The following CD33 variants were observed in gnomAD, a reference collection of about 807,000 sequenced individuals.
CD33 encodes CD33 molecule, also known as myeloid cell surface antigen CD33.
In CD33, 25 loss-of-function variants were observed where a neutral mutation model predicts 31.4. The ratio of observed to expected loss-of-function variants is 0.80; its 90% CI spans 0.58 to 1.11. The LOEUF (loss-of-function observed/expected upper bound fraction) is 1.11. Among genes scored for constraint, CD33 ranks in the 50% most tolerant of loss-of-function variants. The pLI, the probability that CD33 is intolerant of heterozygous loss-of-function variation, is 0.00. For missense variants in CD33, 407 were observed against 448.1 expected, an observed-to-expected ratio of 0.91 and a Z score of 0.83; for synonymous variants, 176 against 180.6, an observed-to-expected ratio of 0.97 and a Z score of 0.20.
At position 51,226,005 on chromosome 19, in the gene CD33, C is replaced by A. The variant is rs371756536; in HGVS notation, c.621C>A (p.Gly207=). The A allele has an allele frequency of 1.1e-4, 176 of 1,614,022 alleles. No homozygotes were observed. Among genetic ancestry groups the A allele is most frequent in the Non-Finnish European group, 1.4e-4 (165 of 1,180,018 alleles). Residue 207 remains glycine, a synonymous_variant, in exon 3 of 7, where the codon GGC becomes GGA. Transcript: ENST00000262262. Reference sequence around the variant, plus strand: ...TCACCCCACGGCCCCAGGACCACGGCACCAACCTGACCTGTCAGGTGAAGT... The same window carrying A: ...TCACCCCACGGCCCCAGGACCACGGAACCAACCTGACCTGTCAGGTGAAGT... ...LIITPRPQDH[G]TNLTCQVKFA...
At chr19:51,232,845 G>T (rs1344047958) in intron 4 of CD33, among the ~76,000 whole-genome samples, 1 of 152,144 alleles carries the variant, frequency 6.6e-6, no homozygotes, top group Non-Finnish European at 1.5e-5. Flanking sequence ...CTGACCTGGG[G>T]GCATATCTGC....
rs1344549728 is a variant in CD33, at chr19:51,235,153, G to C, written c.746-4G>C. On this transcript the variant is annotated splice_region_variant and splice_polypyrimidine_tract_variant and intron_variant, in intron 4 of 6. Coordinates refer to ENST00000262262, the MANE Select transcript of CD33 (RefSeq NM_001772.4). ...AATTCACCCCAAATCTTTTTTGTCT[G>C]CAGGGAAACAAGAGACCAGAGCAGG... is the stretch of plus-strand genomic sequence containing the variant. 6.2e-6 allele frequency: 10 copies of C among 1,612,208 alleles called. No individual in the cohort carries two copies. Among genetic ancestry groups the C allele is most frequent in the Non-Finnish European group, 8.5e-6 (10 of 1,178,456 alleles).
At chr19:51,213,337 T>C in the CD33 span, among the ~76,000 whole-genome samples, 1 of 152,178 alleles carries the variant, frequency 6.6e-6, no homozygotes, top group Admixed American at 6.5e-5. Context: ...TCTTTAACCA[T>C]CCCACTATCT....
the CD33 span, among the ~76,000 whole-genome samples, chr19:51,215,299 C>G: frequency 6.6e-6 from 1 of 152,174 alleles, no homozygotes; most frequent in Non-Finnish European, 1.5e-5. Flanking sequence ...TCTGTCCCAA[C>G]CCGAGGCCAA....
At position 51,235,234 on chromosome 19, in the gene CD33, C is replaced by A. The variant is rs1981697094; in HGVS notation, c.823C>A (p.Leu275Ile). The change falls in exon 5 of 7, where the codon CTC becomes ATC. Residue 275 changes from leucine to isoleucine, a missense_variant. Leu to Ile is a conservative substitution (Grantham distance 5). Transcript: ENST00000262262. Reference protein sequence around the residue: ...AGVTALLALCLCLIFFIVKTH... With the variant: ...AGVTALLALCICLIFFIVKTH... ...TGTTACAGCCCTGCTCGCTCTTTGT[C>A]TCTGCCTCATCTTCTTCATGTGAGC... 1 of 1,614,030 alleles carries A rather than the reference C, an allele frequency of 6.2e-7. No homozygotes were observed. Among genetic ancestry groups the A allele is most frequent in the South Asian group, 1.1e-5 (1 of 91,090 alleles).
At chr19:51,213,828 G>A in the CD33 span, among the ~76,000 whole-genome samples, 137 of 146,344 alleles carry the variant, frequency 9.4e-4, no homozygotes, top group Admixed American at 1.7e-3. Context: ...GAACCACTGC[G>A]CCCAGCCTCA....
Position 51,225,607 on chromosome 19 carries a change from C to G in CD33, c.418+9C>G, listed in dbSNP as rs1201199755. 2 of 1,549,366 alleles carry G rather than the reference C, an allele frequency of 1.3e-6. No homozygotes were observed. Among genetic ancestry groups the G allele is most frequent in the East Asian group, 4.5e-5 (2 of 44,388 alleles). ...CTCTGTGCATGTGACAGGTGAGGCA[C>G]AGGCTTCAGAAGTGGCCGCAAGGGA... On this transcript the variant is annotated intron_variant, in intron 2 of 6. Transcript: ENST00000262262.
chr19:51,228,438 A>G (rs556307389), intron 4 of CD33, among the ~76,000 whole-genome samples: 63 of 152,166 alleles, frequency 4.1e-4, no homozygotes, highest in African/African-American at 1.4e-3. Flanking sequence ...TTATTTCCTC[A>G]GTGTTTTGTA....
At chr19:51,211,511 G>A in the CD33 span, 41 of 1,539,418 alleles carry the variant, frequency 2.7e-5, no homozygotes, top group Admixed American at 4.2e-5. Context: ...AGGGATAATC[G>A]TTCATACTTC....
chr19:51,235,356 G>T (rs1247031042), intron 5 of CD33, 103 bp downstream of exon 5: 3 of 1,257,086 alleles, frequency 2.4e-6, no homozygotes, highest in African/African-American at 2.9e-5. Flanking sequence ...AGGGCAGGGG[G>T]TGTGATGATG....
chr19:51,227,598 C>A (rs1981123235), intron 4 of CD33, among the ~76,000 whole-genome samples: 1 of 152,044 alleles, frequency 6.6e-6, no homozygotes, highest in Non-Finnish European at 1.5e-5. Context: ...TGTATGAGTT[C>A]CTCGTATGTT....
Position 51,234,293 on chromosome 19 carries a change from T to C in CD33, c.746-864T>C, listed in dbSNP as rs140640769. Among the ~76,000 whole-genome samples the C allele has an allele frequency of 2.1e-3, 321 of 152,336 alleles. No individual in the cohort carries two copies. In the Middle Eastern group the frequency reaches 0.031, roughly 15 times the overall value. Reference sequence around the variant, plus strand: ...ACTACATTGACATATCATTGTCACCTGAAGCCCATAGTTTACATTAAAGTT... The same window carrying C: ...ACTACATTGACATATCATTGTCACCCGAAGCCCATAGTTTACATTAAAGTT... On this transcript the variant is annotated intron_variant, in intron 4 of 6. Coordinates refer to ENST00000262262, the MANE Select transcript of CD33 (RefSeq NM_001772.4).
intron 4 of CD33, among the ~76,000 whole-genome samples, chr19:51,227,317 C>G (rs1981105968): frequency 6.6e-6 from 1 of 152,088 alleles, no homozygotes; most frequent in Non-Finnish European, 1.5e-5. Flanking sequence ...AGTGGTTATA[C>G]TAGTTTACAT....
chr19:51,216,192 G>A, the CD33 span, among the ~76,000 whole-genome samples: 5 of 149,924 alleles, frequency 3.3e-5, no homozygotes, highest in Admixed American at 2.7e-4. Flanking sequence ...GGTCCTGATT[G>A]TCCTTCAGGC....
the CD33 span, chr19:51,211,526 G>C: frequency 6.5e-7 from 1 of 1,529,870 alleles, no homozygotes; most frequent in South Asian, 1.3e-5. Context: ...TACTTCTTTC[G>C]GATGGAGAGA....
rs979015903 is a variant in CD33 at position 51,225,714 on chromosome 19, C to A, written c.419-89C>A. 6 of 1,538,740 alleles carry A rather than the reference C, an allele frequency of 3.9e-6. No homozygotes were observed. In the Admixed American group the frequency reaches 5.6e-5, roughly 14 times the overall value. ...TAGGGGTAAAGCCTGTCGTGCTTAG[C>A]GGGGGAGCTTGACCAGAGGTTGATC... On this transcript the variant is annotated intron_variant, in intron 2 of 6. Coordinates refer to ENST00000262262, the MANE Select transcript of CD33 (RefSeq NM_001772.4).
intron 6 of CD33, chr19:51,236,125 T>G: frequency 2.4e-6 from 1 of 421,296 alleles, no homozygotes; most frequent in Non-Finnish European, 4.4e-6. Flanking sequence ...ACCACTGCAC[T>G]CCAGCCTGGG....
upstream of CD33, among the ~76,000 whole-genome samples, chr19:51,221,409 A>G (rs1980682632): frequency 6.6e-6 from 1 of 152,376 alleles, no homozygotes; most frequent in South Asian, 2.1e-4. Flanking sequence ...CAGGAGAATA[A>G]GCATTCTTAG....
the CD33 span, among the ~76,000 whole-genome samples, chr19:51,212,282 T>C: frequency 6.6e-6 from 1 of 152,048 alleles, no homozygotes; most frequent in Non-Finnish European, 1.5e-5. Flanking sequence ...CCCAACTGAA[T>C]GGGAAATCCT....
Sources: allele counts gnomAD v4.1 joint callset (sites outside exome capture counted in the v4.1 genomes callset), GRCh38; gene constraint gnomAD v4.1.1; transcripts MANE v1.5; gene names NCBI Gene and HGNC (gene_info 2026-07-23, HGNC 2026-07-21).